Variants in SSBP3 observed in about 807,000 individuals in gnomAD.
The protein encoded by SSBP3 is single-stranded DNA-binding protein 3.
A neutral mutation model predicts 69.6 loss-of-function variants in SSBP3; 5 were observed. The observed-to-expected ratio is 0.07, with a 90% CI of 0.04 to 0.15. The LOEUF is 0.15. SSBP3 is among the 10% of genes least tolerant of loss of function. SSBP3 has a pLI of 1.00. For missense variants in SSBP3, 312 were observed against 534.0 expected (o/e 0.58, Z 4.10); for synonymous variants, 196 against 193.4 (o/e 1.01, Z -0.11).
At chr1:54,391,371 A>C (rs1414034141) in intron 4 of SSBP3, among the ~76,000 whole-genome samples, 1 of 152,206 alleles carries the variant, frequency 6.6e-6, no homozygotes, top group African/African-American at 2.4e-5. Context: ...TCCAAATCCC[A>C]TGTACAGCCC....
chr1:54,361,866 T>C (rs1446404029), intron 4 of SSBP3, among the ~76,000 whole-genome samples: 1 of 152,214 alleles, frequency 6.6e-6, no homozygotes, highest in Admixed American at 6.5e-5. Context: ...TTTTTAACTG[T>C]CCCTGACTGG....
chr1:54,275,384 C>A (rs1553129631), intron 5 of SSBP3, among the ~76,000 whole-genome samples: 1 of 152,264 alleles, frequency 6.6e-6, no homozygotes, highest in African/African-American at 2.4e-5. Flanking sequence ...CCCCTTGTCA[C>A]AAACTTGTCC....
At chr1:54,232,605 G>A (rs940960325) in intron 14 of SSBP3, among the ~76,000 whole-genome samples, 8 of 151,990 alleles carry the variant, frequency 5.3e-5, no homozygotes, top group African/African-American at 1.7e-4. Flanking sequence ...CTCTCCCCAC[G>A]GTCTCCCTCT....
chr1:54,288,280 A>T (rs778148808), intron 4 of SSBP3, among the ~76,000 whole-genome samples: 9 of 152,182 alleles, frequency 5.9e-5, no homozygotes, highest in Non-Finnish European at 1.0e-4. Flanking sequence ...CTACTGTGTG[A>T]TCTGATCAGG....
At chr1:54,377,953 GA>G (rs1234517828) in intron 4 of SSBP3, among the ~76,000 whole-genome samples, 1 of 151,978 alleles carries the variant, frequency 6.6e-6, no homozygotes, top group Non-Finnish European at 1.5e-5. Context: ...TTTAAGTAAG[GA>G]AAAATACTTC....
chr1:54,325,760 C>T (rs979219776), intron 4 of SSBP3, among the ~76,000 whole-genome samples: 6 of 152,146 alleles, frequency 3.9e-5, no homozygotes, highest in African/African-American at 7.2e-5. Flanking sequence ...GAATTTGTCT[C>T]GACTGCCGAT....
In SSBP3 at chr1:54,360,001, T is replaced by C. The variant is rs1362692012; in HGVS notation, c.276+41860A>G. ...AACCGCCAACACCTTCAGAGTCTTGTTCACTTGCAAAATTCTTAGGACCTA... is the reference window on the plus strand; with the variant it reads ...AACCGCCAACACCTTCAGAGTCTTGCTCACTTGCAAAATTCTTAGGACCTA... On this transcript the variant is annotated intron_variant, in intron 4 of 17. Coordinates refer to ENST00000610401, the Ensembl canonical transcript of SSBP3. 7.9e-5 allele frequency among the ~76,000 whole-genome samples: 12 copies of C among 152,200 alleles called. No individual in the cohort carries two copies. The South Asian group carries it at 2.5e-3, about 31-fold the overall frequency.
At position 54,228,528 on chromosome 1, in the gene SSBP3, G is replaced by A. The variant is rs375488584; in HGVS notation, c.1007-51C>T. 5.0e-6 allele frequency: 8 copies of A among 1,612,380 alleles called. No individual in the cohort carries two copies. In the South Asian group the frequency reaches 5.5e-5, roughly 11 times the overall value. ...AGTTTCTTGCTTGCTCTTCCACGGA[G>A]GGGTCTCCCCTCGTCCTGGGCTCCT... On this transcript the variant is annotated intron_variant, in intron 15 of 17. Transcript: ENST00000610401.
chr1:54,337,875 C>T (rs565671161), intron 4 of SSBP3, among the ~76,000 whole-genome samples: 1 of 152,248 alleles, frequency 6.6e-6, no homozygotes, highest in South Asian at 2.1e-4. Context: ...ACGTCTGTAA[C>T]CCCAAAACTC....
At chr1:54,329,519 T>C (rs1646369920) in intron 4 of SSBP3, among the ~76,000 whole-genome samples, 1 of 152,134 alleles carries the variant, frequency 6.6e-6, no homozygotes, top group Admixed American at 6.5e-5. Context: ...GGCTGGGGCT[T>C]GCAACAACAA....
intron 4 of SSBP3, among the ~76,000 whole-genome samples, chr1:54,400,265 T>C (rs1172471168): frequency 6.6e-6 from 1 of 152,152 alleles, no homozygotes; most frequent in East Asian, 1.9e-4. Flanking sequence ...ATATGCTACA[T>C]CAAGAGAGTG....
At chr1:54,399,621 T>G (rs989939520) in intron 4 of SSBP3, among the ~76,000 whole-genome samples, 2 of 152,074 alleles carry the variant, frequency 1.3e-5, no homozygotes, top group Non-Finnish European at 2.9e-5. Context: ...AAAAGATGAA[T>G]AGGATTTGAA....
chr1:54,239,197 A>C (rs1380385162), exon 14 of SSBP3: 1 of 1,612,106 alleles, frequency 6.2e-7, no homozygotes, highest in South Asian at 1.1e-5. Context: ...GAATTTGTTG[A>C]ATCTGTAGAA....
chr1:54,384,105 CA>C (rs34137070), intron 4 of SSBP3, among the ~76,000 whole-genome samples: 11,227 of 93,938 alleles, frequency 0.12, 512 homozygotes, highest in South Asian at 0.3. Flanking sequence ...GACTCCATCT[CA>C]AAAAAAAAAA....
chr1:54,326,674 C>A (rs1365617835), intron 4 of SSBP3, among the ~76,000 whole-genome samples: 2 of 152,188 alleles, frequency 1.3e-5, no homozygotes, highest in African/African-American at 4.8e-5. Context: ...ATAACTGTTT[C>A]ATGGGAATAC....
exon 13 of SSBP3, chr1:54,240,954 G>T: frequency 1.9e-6 from 3 of 1,609,666 alleles, no homozygotes; most frequent in Non-Finnish European, 2.5e-6. Flanking sequence ...CACCACCAGG[G>T]GGTCCCTAAA....
chr1:54,388,045 T>C (rs2100753681), intron 4 of SSBP3, among the ~76,000 whole-genome samples: 1 of 152,368 alleles, frequency 6.6e-6, no homozygotes, highest in African/African-American at 2.4e-5. Flanking sequence ...CAACACTACA[T>C]GTCACTGGCT....
At position 54,353,189 on chromosome 1, in the gene SSBP3, T is replaced by C. The variant is rs149396070; in HGVS notation, c.276+48672A>G. On this transcript the variant is annotated intron_variant, in intron 4 of 17. Transcript: ENST00000610401. Reference sequence around the variant, plus strand: ...GGCCCCAGCCAGTTTTAGAGCTGGATACACAAGTTTGTTTTATTTATTTTG... The same window carrying C: ...GGCCCCAGCCAGTTTTAGAGCTGGACACACAAGTTTGTTTTATTTATTTTG... Among the ~76,000 whole-genome samples, 8 of 152,322 alleles carry C rather than the reference T, an allele frequency of 5.3e-5. No individual in the cohort carries two copies. In the East Asian group the frequency reaches 1.5e-3, roughly 29 times the overall value.
At chr1:54,279,241 G>A (rs1221678222) in intron 5 of SSBP3, among the ~76,000 whole-genome samples, 2 of 152,172 alleles carry the variant, frequency 1.3e-5, no homozygotes, top group Non-Finnish European at 2.9e-5. Flanking sequence ...AAGTCAAGAA[G>A]GTCCAAAAGT....
Sources: allele counts gnomAD v4.1 joint callset (sites outside exome capture counted in the v4.1 genomes callset), GRCh38; gene constraint gnomAD v4.1.1; transcripts MANE v1.5; gene names NCBI Gene and HGNC (gene_info 2026-07-23, HGNC 2026-07-21).